PHF21B: variants seen among roughly 807,000 people sequenced by gnomAD.
PHF21B encodes PHD finger protein 4.
A neutral mutation model predicts 62.2 loss-of-function variants in PHF21B; 22 were observed. That is an observed-to-expected ratio of 0.35 (90% CI 0.25 to 0.51). PHF21B has a LOEUF of 0.51. Ranked by LOEUF, PHF21B falls within the 20% of genes least tolerant of loss-of-function variation. The pLI, the probability that PHF21B is intolerant of heterozygous loss-of-function variation, is 0.97. For synonymous variants in PHF21B, 341 were observed against 314.7 expected, an observed-to-expected ratio of 1.08 and a Z score of -0.88; for missense variants, 701 against 707.9, an observed-to-expected ratio of 0.99 and a Z score of 0.11.
intron 2 of PHF21B, among the ~76,000 whole-genome samples, chr22:44,927,381 A>G (rs910699270): frequency 2.0e-5 from 3 of 152,202 alleles, no homozygotes; most frequent in African/African-American, 7.2e-5. Flanking sequence ...TCAAGTATCC[A>G]GCACCCTTAG....
At chr22:44,889,857 G>A in intron 8 of PHF21B, 75 bp from the exon 9 acceptor site, 4 of 1,416,548 alleles carry the variant, frequency 2.8e-6, no homozygotes, top group Non-Finnish European at 3.7e-6. Flanking sequence ...GAGTCCATGA[G>A]GCCTCATGTG....
Position 44,896,063 on chromosome 22 carries a change from C to T in PHF21B, c.852G>A (p.Ala284=), listed in dbSNP as rs115779640. The T allele has an allele frequency of 1.6e-5, 26 of 1,614,048 alleles. No individual in the cohort carries two copies. In the East Asian group the frequency reaches 2.7e-4, roughly 17 times the overall value. The change falls in exon 6 of 13, where the codon GCG becomes GCA. Residue 284 remains alanine, a synonymous_variant. Coordinates refer to ENST00000313237, the MANE Select transcript of PHF21B (RefSeq NM_138415.5). ...ENPEKIAFMV[A]LGLVTTEHLE... is the part of the protein sequence containing the mutation. ...AATGTTCCGTGGTAACCAGGCCTAG[C>T]GCTACCATGAAGGCGATTTTCTGAG...
chr22:44,917,731 C>T (rs934907822), intron 3 of PHF21B, among the ~76,000 whole-genome samples: 1 of 152,200 alleles, frequency 6.6e-6, no homozygotes, highest in African/African-American at 2.4e-5. Flanking sequence ...TGTACTGCCC[C>T]GCCCATCTCC....
intron 2 of PHF21B, among the ~76,000 whole-genome samples, chr22:44,975,445 C>T (rs575869788): frequency 6.6e-6 from 1 of 152,300 alleles, no homozygotes; most frequent in Non-Finnish European, 1.5e-5. Context: ...AGCAGGCGTC[C>T]CTCTAGGCCT....
intron 2 of PHF21B, among the ~76,000 whole-genome samples, chr22:44,976,111 C>A (rs1252789651): frequency 6.6e-6 from 1 of 152,330 alleles, no homozygotes; most frequent in East Asian, 1.9e-4. Flanking sequence ...GCTGAGGCTG[C>A]AGTGGGTCAT....
chr22:44,901,523 C>T (rs2071158936), intron 5 of PHF21B: 4 of 225,904 alleles, frequency 1.8e-5, no homozygotes, highest in East Asian at 9.5e-5. Flanking sequence ...TCTTTGCTTG[C>T]CTCCTGTAGG....
chr22:44,989,001 G>A (rs2072999707), intron 2 of PHF21B: 1 of 152,108 alleles, frequency 6.6e-6, no homozygotes, highest in African/African-American at 2.4e-5. Flanking sequence ...ATTTATGAGG[G>A]TGTAGCCCTG....
chr22:44,984,019 G>A (rs372939455), intron 2 of PHF21B, among the ~76,000 whole-genome samples: 4 of 149,764 alleles, frequency 2.7e-5, no homozygotes, highest in African/African-American at 7.4e-5. Context: ...GACAGCCACC[G>A]CCATCATCAT....
chr22:44,916,370 G>T lies in PHF21B; in HGVS notation c.474C>A (p.Ser158Arg), dbSNP rs1361633342. 1 of 1,592,908 alleles carries T rather than the reference G, an allele frequency of 6.3e-7. No individual in the cohort carries two copies. The highest frequency in any genetic ancestry group is 1.4e-5 in the African/African-American group (1 of 74,072). ...TGCTGGGGGCCATGGCGGCGGCATT[G>T]CTGGGGGAGGTGGAGATGATGGCGT... ...VAYAIISTSP[S>R]NAAAMAPSTA... The change falls in exon 4 of 13, where the codon AGC becomes AGA. Residue 158 changes from serine to arginine, a missense_variant. By Grantham distance (110) the Ser-to-Arg change is moderately radical. Coordinates refer to ENST00000313237, the MANE Select transcript of PHF21B (RefSeq NM_138415.5).
chr22:44,912,841 T>G (rs1019891849), intron 5 of PHF21B, among the ~76,000 whole-genome samples: 17 of 114,918 alleles, frequency 1.5e-4, no homozygotes, highest in African/African-American at 5.9e-4. Flanking sequence ...ATGGTGCCAG[T>G]GCACACCAGC....
intron 5 of PHF21B, chr22:44,901,663 A>AG: frequency 1.9e-6 from 1 of 518,268 alleles, no homozygotes; most frequent in East Asian, 4.6e-5. Flanking sequence ...CAAGGTGAAA[A>AG]GGGGGAACCT....
chr22:44,962,749 G>A (rs1164360271), intron 2 of PHF21B, among the ~76,000 whole-genome samples: 1 of 152,094 alleles, frequency 6.6e-6, no homozygotes, highest in Non-Finnish European at 1.5e-5. Flanking sequence ...CACATGCCTG[G>A]ATGAAGAGCT....
At chr22:44,968,259 G>T (rs112320605) in intron 2 of PHF21B, among the ~76,000 whole-genome samples, 2,799 of 152,212 alleles carry the variant, frequency 0.018, 34 homozygotes, top group Non-Finnish European at 0.027. Context: ...TTCATTTATT[G>T]AATCATTTAT....
intron 2 of PHF21B, among the ~76,000 whole-genome samples, chr22:44,980,349 G>A (rs957083793): frequency 1.3e-5 from 2 of 152,164 alleles, no homozygotes; most frequent in African/African-American, 4.8e-5. Context: ...CACCCACGCT[G>A]AAGTAGGTAA....
chr22:44,899,640 C>G (rs1187289071), intron 5 of PHF21B, among the ~76,000 whole-genome samples: 1 of 151,720 alleles, frequency 6.6e-6, no homozygotes, highest in African/African-American at 2.4e-5. Context: ...CTTCCTTCTT[C>G]TTCTCCTCCT....
In PHF21B at chr22:45,009,395, A is replaced by G; in HGVS notation, c.54+101T>C. On this transcript the variant is annotated intron_variant, in intron 1 of 12. Coordinates refer to ENST00000313237, the MANE Select transcript of PHF21B (RefSeq NM_138415.5). The surrounding 1 kb of genome is among the most constrained non-coding windows in gnomAD (Gnocchi z 5.9). Reference sequence around the variant, plus strand: ...GCCCCCGGGCAGGCTCCAGCCTGGAAGACCCAGAGACCCGGAAGAGAGGAT... The same window carrying G: ...GCCCCCGGGCAGGCTCCAGCCTGGAGGACCCAGAGACCCGGAAGAGAGGAT... The G allele has an allele frequency of 8.1e-7, 1 of 1,230,104 alleles. No homozygotes were observed. The highest frequency in any genetic ancestry group is 1.1e-6 in the Non-Finnish European group (1 of 914,452). The allele number at this position is 1,230,104 out of a possible 1,614,324, so 76.2% of individuals were successfully genotyped here.
rs1372488291 is a variant in PHF21B, at chr22:44,885,974, G to C, written c.1198-36C>G. On this transcript the variant is annotated intron_variant, in intron 10 of 12. Transcript: ENST00000313237. ...GACGGGGAGATGAAAAAGTGGACAG[G>C]CCCTGGGACCTGCTGGGACTGTCCA... 4.4e-6 allele frequency: 7 copies of C among 1,597,986 alleles called. No individual in the cohort carries two copies. The African/African-American group carries it at 9.4e-5, about 21-fold the overall frequency.
intron 10 of PHF21B, 89 bp downstream of exon 10, chr22:44,887,874 C>T: frequency 1.5e-6 from 2 of 1,302,504 alleles, no homozygotes; most frequent in South Asian, 2.4e-5. Context: ...ACCCAAGCCC[C>T]TTTTTTCACC....
At chr22:45,008,787 C>T in intron 1 of PHF21B, 177 bp from the exon 2 acceptor site, 3 of 1,163,266 alleles carry the variant, frequency 2.6e-6, no homozygotes, top group Non-Finnish European at 2.1e-6. Flanking sequence ...CGCGCGGGGC[C>T]GCTTACCTGT....
Sources: gnomAD v4.1 joint callset for allele counts (sites outside exome capture counted in the v4.1 genomes callset) on GRCh38, gnomAD v4.1.1 for gene constraint, Gnocchi (gnomAD v3.1) non-coding constraint, MANE v1.5 for transcripts, NCBI Gene and HGNC (gene_info 2026-07-23, HGNC 2026-07-21) for gene names.